Variants in ESRRG observed in about 807,000 individuals in gnomAD.
ESRRG encodes estrogen related receptor gamma, also known as estrogen-related receptor gamma.
In ESRRG, 13 loss-of-function variants were observed where a neutral mutation model predicts 44.0. The observed-to-expected ratio is 0.30, with a 90% confidence interval of 0.19 to 0.47. The LOEUF (loss-of-function observed/expected upper bound fraction) is 0.47, where lower values mean the gene tolerates loss of function less well. ESRRG is among the 20% of genes least tolerant of loss of function. The pLI, the probability that ESRRG is intolerant of heterozygous loss-of-function variation, is 1.00. For missense variants in ESRRG, 395 were observed against 580.6 expected (o/e 0.68, Z 3.29); for synonymous variants, 215 against 214.6 (o/e 1.00, Z -0.02).
At chr1:216,729,769 C>G (rs769861866) in intron 2 of ESRRG, among the ~76,000 whole-genome samples, 3 of 152,146 alleles carry the variant, frequency 2.0e-5, no homozygotes, top group Non-Finnish European at 4.4e-5. Flanking sequence ...TTCCACATCC[C>G]TCTACTCTAG....
At position 216,523,490 on chromosome 1, in the gene ESRRG, G is replaced by GTTTTTTTTT. The variant is rs749747909; in HGVS notation, c.863-4078_863-4070dup. ...GTGCCATGGGCACTCATCAAGCACT[G>GTTTTTTTTT]TTTTTTTTTTTGTTTTTTTTTTTTT... On this transcript the variant is annotated intron_variant, in intron 5 of 6. Coordinates refer to ENST00000408911, the MANE Select transcript of ESRRG (RefSeq NM_001438.4). Among the ~76,000 whole-genome samples the GTTTTTTTTT allele has an allele frequency of 4.7e-5, 6 of 126,326 alleles. 1 individual carries two copies. The highest frequency in any genetic ancestry group is 1.5e-4 in the Admixed American group (2 of 13,258). 82.9% of individuals were successfully genotyped at this position (126,326 alleles called of 152,430 possible).
chr1:216,636,628 G>T (rs2065351398), intron 3 of ESRRG, among the ~76,000 whole-genome samples: 1 of 152,154 alleles, frequency 6.6e-6, no homozygotes, highest in African/African-American at 2.4e-5. Flanking sequence ...TAAAATCAAT[G>T]CATTAACTGA....
intron 3 of ESRRG, among the ~76,000 whole-genome samples, chr1:216,588,728 T>A (rs979969547): frequency 5.9e-5 from 9 of 152,200 alleles, no homozygotes. Flanking sequence ...ATCAGTACTA[T>A]CATTTGATAT....
At chr1:217,024,515 C>T (rs2080890773) in intron 1 of ESRRG, among the ~76,000 whole-genome samples, 1 of 152,072 alleles carries the variant, frequency 6.6e-6, no homozygotes, top group South Asian at 2.1e-4. Context: ...CACTCCAATT[C>T]CCATGTAAGA....
At chr1:217,066,267 T>A (rs1285783228) in intron 1 of ESRRG, among the ~76,000 whole-genome samples, 4 of 148,952 alleles carry the variant, frequency 2.7e-5, no homozygotes, top group Non-Finnish European at 4.5e-5. Context: ...TTTTTTTTTT[T>A]TTTTTGAGAC....
intron 1 of ESRRG, among the ~76,000 whole-genome samples, chr1:217,059,579 T>G (rs1423862255): frequency 6.6e-6 from 1 of 152,022 alleles, no homozygotes; most frequent in Non-Finnish European, 1.5e-5. Context: ...ACAAAAGGAC[T>G]CAAGAACCAA....
intron 2 of ESRRG, among the ~76,000 whole-genome samples, chr1:216,748,654 A>G (rs1418129774): frequency 6.6e-6 from 1 of 152,102 alleles, no homozygotes; most frequent in African/African-American, 2.4e-5. Flanking sequence ...ACAAATTCTG[A>G]TTTTTTTGTG....
intron 1 of ESRRG, among the ~76,000 whole-genome samples, chr1:216,960,231 C>CTACATGTATATCATATA (rs2068763412): frequency 6.6e-6 from 1 of 152,086 alleles, no homozygotes; most frequent in South Asian, 2.1e-4. Flanking sequence ...TCATTAGCGA[C>CTACATGTATATCATATA]TACATGTATA....
At chr1:216,722,062 G>A (rs191502075) in intron 1 of ESRRG, among the ~76,000 whole-genome samples, 1 of 152,144 alleles carries the variant, frequency 6.6e-6, no homozygotes, top group East Asian at 1.9e-4. Flanking sequence ...GAGACTGCAA[G>A]TCACTTTTCA....
intron 1 of ESRRG, among the ~76,000 whole-genome samples, chr1:217,042,473 A>AACACACACACACACACACACACAC (rs140559927): frequency 7.2e-6 from 1 of 139,070 alleles, no homozygotes; most frequent in Non-Finnish European, 1.6e-5. Context: ...TACACACACA[A>AACACACACACACACACACACACAC]ACACACACAC....
intron 3 of ESRRG, among the ~76,000 whole-genome samples, chr1:216,630,944 T>C (rs1276016335): frequency 1.3e-5 from 2 of 152,198 alleles, no homozygotes; most frequent in Non-Finnish European, 2.9e-5. Context: ...CAGTGTTGTG[T>C]TGCATTTATC....
chr1:216,692,312 ATGTGTGTGTG>A (rs56856888), intron 1 of ESRRG, among the ~76,000 whole-genome samples: 90 of 147,656 alleles, frequency 6.1e-4, no homozygotes, highest in Middle Eastern at 3.5e-3. Flanking sequence ...AGGCTAGTGT[ATGTGTGTGTG>A]TGTGTGTGTG....
chr1:216,866,197 A>G (rs1485111166), intron 2 of ESRRG, among the ~76,000 whole-genome samples: 2 of 152,206 alleles, frequency 1.3e-5, no homozygotes, highest in Non-Finnish European at 1.5e-5. Context: ...AGTAATCAAC[A>G]TATTTATTAA....
At chr1:217,078,408 CTTT>C (rs1477563589) in intron 1 of ESRRG, 13 of 152,390 alleles carry the variant, frequency 8.5e-5, no homozygotes, top group African/African-American at 2.9e-4. Context: ...AGAAAGGAAC[CTTT>C]ACTGAAAACC....
intron 3 of ESRRG, among the ~76,000 whole-genome samples, chr1:216,598,744 G>T (rs1334435747): frequency 6.6e-6 from 1 of 152,106 alleles, no homozygotes; most frequent in Non-Finnish European, 1.5e-5. Flanking sequence ...AAAAAAAGAG[G>T]CTTGATATGG....
intron 1 of ESRRG, among the ~76,000 whole-genome samples, chr1:216,964,009 G>T (rs2069705746): frequency 6.6e-6 from 1 of 152,180 alleles, no homozygotes; most frequent in African/African-American, 2.4e-5. Context: ...ATACTACCTG[G>T]AGATTTCTAA....
At chr1:216,783,786 C>T (rs922058236) in intron 2 of ESRRG, among the ~76,000 whole-genome samples, 1 of 151,996 alleles carries the variant, frequency 6.6e-6, no homozygotes, top group Admixed American at 6.6e-5. Flanking sequence ...CCATAGGACT[C>T]CTACTTAAGC....
At chr1:216,941,392 G>T (rs1198442695) in intron 1 of ESRRG, among the ~76,000 whole-genome samples, 2 of 152,146 alleles carry the variant, frequency 1.3e-5, no homozygotes, top group Admixed American at 1.3e-4. Context: ...CTCATAGCCA[G>T]TGTGGCCGTA....
intron 1 of ESRRG, among the ~76,000 whole-genome samples, chr1:217,083,988 T>C (rs1165005990): frequency 6.6e-6 from 1 of 152,180 alleles, no homozygotes; most frequent in East Asian, 1.9e-4. Flanking sequence ...GCAGAAGATA[T>C]ATTCCAAAAA....
Sources: gnomAD v4.1 joint callset for allele counts (sites outside exome capture counted in the v4.1 genomes callset) on GRCh38, gnomAD v4.1.1 for gene constraint, MANE v1.5 for transcripts, NCBI Gene and HGNC (gene_info 2026-07-23, HGNC 2026-07-21) for gene names.